DCLRE1A: variants seen among roughly 807,000 people sequenced by gnomAD.
DCLRE1A encodes DNA cross-link repair 1A.
DCLRE1A carries 64 observed loss-of-function variants against 91.9 expected under a neutral mutation model. The observed-to-expected ratio is 0.70, with a 90% CI of 0.57 to 0.86. DCLRE1A has a LOEUF of 0.86. Among genes scored for constraint, DCLRE1A ranks in the 40% least tolerant of loss-of-function variants. The pLI is 0.00. For missense variants in DCLRE1A, 1,145 were observed against 1,213.3 expected (o/e 0.94, Z 0.84); for synonymous variants, 416 against 431.1 (o/e 0.96, Z 0.43).
rs1470649631 is a variant in DCLRE1A at position 113,849,038 on chromosome 10, C to G, written c.2067G>C (p.Glu689Asp). The change falls in exon 2 of 9, where the codon GAG (glutamate) becomes GAC (aspartate). Residue 689 changes from glutamate to aspartate, a missense_variant. Glu to Asp is a conservative substitution (Grantham distance 45, BLOSUM62 2). Coordinates refer to ENST00000361384, the MANE Select transcript of DCLRE1A (RefSeq NM_014881.5). ...GLQRGNKKIP[E>D]SSNVGGSRKK... ...TTCTTGATCCTCCTACATTAGATGA[C>G]TCTGGGATTTTCTTGTTGCCCCTTT... 1 of 1,614,086 alleles carries G rather than the reference C, an allele frequency of 6.2e-7. No homozygotes were observed. The highest frequency in any genetic ancestry group is 8.5e-7 in the Non-Finnish European group (1 of 1,180,000).
chr10:113,842,553 G>T, intron 5 of DCLRE1A, 65 bp from the exon 6 acceptor site: 1 of 1,489,242 alleles, frequency 6.7e-7, no homozygotes, highest in Non-Finnish European at 9.1e-7. Context: ...TAAGCTGGAT[G>T]CTATTTTAGA....
chr10:113,850,613 G>A lies in DCLRE1A; in HGVS notation c.492C>T (p.Thr164=). Residue 164 remains threonine (T), a synonymous_variant, in exon 2 of 9, where the codon ACC becomes ACT. Transcript: ENST00000361384. The part of the protein sequence containing the change: ...ECPDGLLCTS[T]IPFHYKRYTH... ...TGTATCTCTTGTAATGAAAAGGAAT[G>A]GTTGAGGTACACAGAAGACCATCAG... The A allele has an allele frequency of 6.2e-7, 1 of 1,612,178 alleles. No homozygotes were observed.
intron 7 of DCLRE1A, among the ~76,000 whole-genome samples, 200 bp downstream of exon 7, chr10:113,841,206 G>A (rs1042491817): frequency 6.6e-6 from 1 of 152,054 alleles, no homozygotes; most frequent in South Asian, 2.1e-4. Context: ...CTAAACTTCT[G>A]GTGGGCATAT....
chr10:113,845,632 TTG>T, intron 4 of DCLRE1A, 51 bp downstream of exon 4: 1 of 1,338,424 alleles, frequency 7.5e-7, no homozygotes, highest in Admixed American at 1.7e-5. Flanking sequence ...TGCCAATGTG[TTG>T]TCCTTTTGAA....
intron 2 of DCLRE1A, 45 bp from the exon 3 acceptor site, chr10:113,847,380 T>C (rs367666891): frequency 4.2e-5 from 67 of 1,602,754 alleles, no homozygotes; most frequent in Admixed American, 2.2e-4. Context: ...AGAGCTAAGA[T>C]ACCCAATTTG....
At chr10:113,842,558 T>C (rs1368500224) in intron 5 of DCLRE1A, 70 bp from the exon 6 acceptor site, 9 of 1,472,374 alleles carry the variant, frequency 6.1e-6, no homozygotes, top group Non-Finnish European at 8.3e-6. Flanking sequence ...TGGATGCTAT[T>C]TTAGAAAACA....
chr10:113,846,976 G>A (rs983682692), intron 3 of DCLRE1A, among the ~76,000 whole-genome samples: 1 of 152,174 alleles, frequency 6.6e-6, no homozygotes, highest in African/African-American at 2.4e-5. Context: ...TTAGTACATC[G>A]TGAAATAGTT....
At chr10:113,852,217 TC>T (rs1845661761) in intron 1 of DCLRE1A, among the ~76,000 whole-genome samples, 1 of 152,128 alleles carries the variant, frequency 6.6e-6, no homozygotes, top group South Asian at 2.1e-4. Context: ...GCGCCTGTAG[TC>T]CCGGCTACTC....
At position 113,835,072 on chromosome 10, in the gene DCLRE1A, T is replaced by G. The variant is rs1845342140; in HGVS notation, c.*80A>C. The G allele has an allele frequency of 7.4e-7, 1 of 1,346,858 alleles. No homozygotes were observed. Among genetic ancestry groups the G allele is most frequent in the Non-Finnish European group, 1.0e-6 (1 of 978,292 alleles). The allele number at this position is 1,346,858 out of a possible 1,614,324, so 83.4% of individuals were successfully genotyped here. A position where few individuals can be genotyped will look rare whatever the true frequency, so the allele number is the denominator to read the frequency against. ...TCATGAGGTTTTTCCACACAAAGTG[T>G]ATTTCACATTTCTATAGATTTAACT... On this transcript the variant is annotated 3_prime_UTR_variant, in exon 9 of 9. Coordinates refer to ENST00000361384, the MANE Select transcript of DCLRE1A (RefSeq NM_014881.5).
At chr10:113,837,320 G>T (rs998863981) in intron 7 of DCLRE1A, 117 bp from the exon 8 acceptor site, 3 of 846,938 alleles carry the variant, frequency 3.5e-6, no homozygotes, top group East Asian at 5.5e-5. Flanking sequence ...TTAAGCATTA[G>T]CTTCAACAAC....
In DCLRE1A at chr10:113,849,222, C is replaced by T; in HGVS notation, c.1883G>A (p.Ser628Asn). 6.2e-7 allele frequency: 1 copy of T among 1,614,074 alleles called. No individual in the cohort carries two copies. The highest frequency in any genetic ancestry group is 8.5e-7 in the Non-Finnish European group (1 of 1,179,998). ...HESQLSVELS[S>N]ERSQRQKKRC... ...CTTTTTTTGACGCTGTGACCTCTCA[C>T]TAGAAAGTTCCACAGAAAGCTGACT... The change falls in exon 2 of 9, where the codon AGT becomes AAT. Residue 628 changes from serine (S) to asparagine (N), a missense_variant. Coordinates refer to ENST00000361384, the MANE Select transcript of DCLRE1A (RefSeq NM_014881.5).
intron 1 of DCLRE1A, 51 bp from the exon 2 acceptor site, chr10:113,850,695 C>T: frequency 1.4e-6 from 2 of 1,418,260 alleles, no homozygotes; most frequent in Non-Finnish European, 1.9e-6. Context: ...ATAGACTAAG[C>T]TTTGACAACA....
chr10:113,850,177 GA>G lies in DCLRE1A; in HGVS notation c.927del (p.His310MetfsTer43). 1 of 1,614,156 alleles carries G rather than the reference GA, an allele frequency of 6.2e-7. No individual in the cohort carries two copies. The highest frequency in any genetic ancestry group is 1.1e-5 in the South Asian group (1 of 91,074). On this transcript the variant is annotated frameshift_variant, in exon 2 of 9. Coordinates refer to ENST00000361384, the MANE Select transcript of DCLRE1A (RefSeq NM_014881.5). LOFTEE classifies it high-confidence loss of function. ...TCATCCGGTTTTTCATCGATATCAT[GA>G]GTGTCTTCATCACTTTGAAGTGGAG... ...SYSPLQSDED[T>X]HDIDEKPDDS... is the part of the protein sequence containing the mutation.
At chr10:113,852,590 G>T in intron 1 of DCLRE1A, 133 bp downstream of exon 1, 1 of 809,174 alleles carries the variant, frequency 1.2e-6, no homozygotes. Context: ...CCGTTGACTG[G>T]TATGGTGTTT....
chr10:113,843,190 A>G (rs1257153684), intron 5 of DCLRE1A, among the ~76,000 whole-genome samples: 1 of 152,096 alleles, frequency 6.6e-6, no homozygotes, highest in East Asian at 1.9e-4. Context: ...TTTCACTAAA[A>G]ATGTAATAAA....
chr10:113,835,055 T>C lies in DCLRE1A; in HGVS notation c.*97A>G. ...AAGTATCTGAACAATCTTCATGAGG[T>C]TTTTCCACACAAAGTGTATTTCACA... On this transcript the variant is annotated 3_prime_UTR_variant, in exon 9 of 9. Transcript: ENST00000361384. The C allele has an allele frequency of 1.6e-6, 2 of 1,237,972 alleles. No individual in the cohort carries two copies. Among genetic ancestry groups the C allele is most frequent in the Non-Finnish European group, 2.2e-6 (2 of 890,300 alleles). The allele number at this position is 1,237,972 out of a possible 1,614,324, so 76.7% of individuals were successfully genotyped here.
At chr10:113,840,400 A>G (rs1845428240) in intron 7 of DCLRE1A, among the ~76,000 whole-genome samples, 1 of 152,196 alleles carries the variant, frequency 6.6e-6, no homozygotes, top group South Asian at 2.1e-4. Context: ...CAAGAAGGCC[A>G]TATGCATCAG....
chr10:113,843,481 G>A (rs989754374), intron 5 of DCLRE1A, among the ~76,000 whole-genome samples: 14 of 152,102 alleles, frequency 9.2e-5, no homozygotes, highest in African/African-American at 2.7e-4. Context: ...GCATCCAAAC[G>A]TACTTCTCCT....
Position 113,850,379 on chromosome 10 carries a change from A to C in DCLRE1A, c.726T>G (p.Thr242=). ...TQYFKKSPSL[T]EASEKISTHI... ...GAGTAGAAATCTTTTCACTGGCTTC[A>C]GTCAGAGACGGAGACTTTTTAAAAT... The change falls in exon 2 of 9, where the codon ACT becomes ACG. Residue 242 remains threonine (T), a synonymous_variant. Transcript: ENST00000361384. 1 of 1,614,268 alleles carries C rather than the reference A, an allele frequency of 6.2e-7. No individual in the cohort carries two copies. The highest frequency in any genetic ancestry group is 2.2e-5 in the East Asian group (1 of 44,892).
Sources: allele counts gnomAD v4.1 joint callset (sites outside exome capture counted in the v4.1 genomes callset), GRCh38; gene constraint gnomAD v4.1.1; transcripts MANE v1.5; gene names NCBI Gene and HGNC (gene_info 2026-07-23, HGNC 2026-07-21).